PCCA: variants seen among roughly 807,000 people sequenced by gnomAD.
PCCA encodes the protein propionyl-CoA carboxylase alpha chain, mitochondrial.
In PCCA, 74 loss-of-function variants were observed where a neutral mutation model predicts 101.3. The ratio of observed to expected loss-of-function variants is 0.73; its 90% confidence interval spans 0.61 to 0.89. PCCA has a LOEUF of 0.89. Ranked by LOEUF, PCCA falls within the 40% of genes least tolerant of loss-of-function variation. The pLI, the probability that PCCA is intolerant of heterozygous loss-of-function variation, is 0.00. For missense variants in PCCA, 891 were observed against 907.0 expected, an observed-to-expected ratio of 0.98 and a Z score of 0.23; for synonymous variants, 294 against 313.6, an observed-to-expected ratio of 0.94 and a Z score of 0.66.
intron 8 of PCCA, among the ~76,000 whole-genome samples, chr13:100,243,092 C>T (rs2061247258): frequency 6.6e-6 from 1 of 152,188 alleles, no homozygotes; most frequent in Admixed American, 6.5e-5. Context: ...TACAAGGTTT[C>T]ACCATGTTGG....
chr13:100,326,836 T>G lies in PCCA; in HGVS notation c.1430-3725T>G, dbSNP rs117440174. Among the ~76,000 whole-genome samples, 78 of 152,292 alleles carry G rather than the reference T, an allele frequency of 5.1e-4. No homozygotes were observed. In the East Asian group the frequency reaches 0.013, roughly 26 times the overall value. ...GCAAGACTGCAGTATTTAATATATATAATATATAAAACTTGTAATTGACTA... is the reference window on the plus strand; with the variant it reads ...GCAAGACTGCAGTATTTAATATATAGAATATATAAAACTTGTAATTGACTA... On this transcript the variant is annotated intron_variant, in intron 16 of 23. Transcript: ENST00000376285.
chr13:100,445,852 C>G (rs1045246142), intron 20 of PCCA, among the ~76,000 whole-genome samples: 3 of 152,168 alleles, frequency 2.0e-5, no homozygotes, highest in African/African-American at 7.2e-5. Flanking sequence ...TCTTGGCCAT[C>G]ATGAATAGTG....
intron 7 of PCCA, among the ~76,000 whole-genome samples, chr13:100,210,963 CCAGTTCCTCCT>C (rs1954075622): frequency 6.6e-6 from 1 of 152,202 alleles, no homozygotes; most frequent in Non-Finnish European, 1.5e-5. Context: ...CTCTGGAAAG[CCAGTTCCTCCT>C]CCTACGCTCC....
intron 12 of PCCA, among the ~76,000 whole-genome samples, chr13:100,283,978 T>A (rs1424778330): frequency 6.6e-6 from 1 of 152,148 alleles, no homozygotes; most frequent in Non-Finnish European, 1.5e-5. Context: ...ACAACAGGAC[T>A]GAGGGTGCCC....
chr13:100,146,202 A>G (rs1226848145), intron 4 of PCCA, among the ~76,000 whole-genome samples: 1 of 151,426 alleles, frequency 6.6e-6, no homozygotes, highest in Non-Finnish European at 1.5e-5. Flanking sequence ...CCACCTCCCA[A>G]AGTGCTGGGA....
intron 18 of PCCA, among the ~76,000 whole-genome samples, chr13:100,349,783 C>T (rs981290478): frequency 3.9e-5 from 6 of 152,218 alleles, no homozygotes; most frequent in East Asian, 1.9e-4. Flanking sequence ...TCAAGTATCA[C>T]GGCTGGCTAC....
At chr13:100,190,106 G>C (rs6491551) in intron 6 of PCCA, among the ~76,000 whole-genome samples, 106,591 of 152,060 alleles carry the variant, frequency 0.7, 38,349 homozygotes, top group African/African-American at 0.87. Flanking sequence ...TTGAAAATGT[G>C]TCATGACTAA....
At chr13:100,384,528 C>T (rs548993221) in intron 19 of PCCA, among the ~76,000 whole-genome samples, 267 of 152,142 alleles carry the variant, frequency 1.8e-3, no homozygotes, top group African/African-American at 6.0e-3. Flanking sequence ...CTCTTTTATT[C>T]TATGAATAGA....
At chr13:100,146,829 T>C (rs2052629978) in intron 4 of PCCA, among the ~76,000 whole-genome samples, 1 of 141,084 alleles carries the variant, frequency 7.1e-6, no homozygotes, top group Admixed American at 6.7e-5. Flanking sequence ...TTAAATTAAA[T>C]ATTTTTCTTA....
rs151101101 is a variant in PCCA at position 100,285,300 on chromosome 13, T to G, written c.1065+11954T>G. Among the ~76,000 whole-genome samples the G allele has an allele frequency of 2.6e-5, 4 of 152,286 alleles. No individual in the cohort carries two copies. The East Asian group carries it at 7.7e-4, about 29-fold the overall frequency. On this transcript the variant is annotated intron_variant, in intron 12 of 23. Coordinates refer to ENST00000376285, the MANE Select transcript of PCCA (RefSeq NM_000282.4). ...GAGGCAGAAACAGCCTTCAAAACCTTAAAGCAGGCCCTAGTACAAGCTCCA... is the reference window on the plus strand; with the variant it reads ...GAGGCAGAAACAGCCTTCAAAACCTGAAAGCAGGCCCTAGTACAAGCTCCA...
At chr13:100,219,604 G>A in intron 7 of PCCA, among the ~76,000 whole-genome samples, 1 of 152,178 alleles carries the variant, frequency 6.6e-6, no homozygotes. Flanking sequence ...GGGAGAGCTT[G>A]TGGAACAATG....
At chr13:100,374,755 T>C (rs761586375) in intron 19 of PCCA, among the ~76,000 whole-genome samples, 6 of 152,174 alleles carry the variant, frequency 3.9e-5, no homozygotes, top group Admixed American at 2.0e-4. Context: ...TCATGTTTAC[T>C]ACTAATAAAC....
chr13:100,153,913 CAA>C (rs1272698703), intron 4 of PCCA, among the ~76,000 whole-genome samples: 1 of 152,118 alleles, frequency 6.6e-6, no homozygotes, highest in Non-Finnish European at 1.5e-5. Flanking sequence ...ATTGAATTGA[CAA>C]AGAGAATTCT....
At chr13:100,279,222 C>G (rs1469819199) in intron 12 of PCCA, among the ~76,000 whole-genome samples, 1 of 152,194 alleles carries the variant, frequency 6.6e-6, no homozygotes, top group East Asian at 1.9e-4. Context: ...TAACATCATA[C>G]TTTGAGACAT....
chr13:100,468,347 G>GT (rs1437003005), intron 21 of PCCA, among the ~76,000 whole-genome samples: 3 of 152,182 alleles, frequency 2.0e-5, no homozygotes, highest in African/African-American at 7.2e-5. Flanking sequence ...TAGCAAGAGA[G>GT]TTGGCCTGTC....
chr13:100,178,675 C>T (rs2056462322), intron 6 of PCCA, among the ~76,000 whole-genome samples: 1 of 152,112 alleles, frequency 6.6e-6, no homozygotes, highest in African/African-American at 2.4e-5. Context: ...GACGGAGATA[C>T]AGAATTACTG....
chr13:100,324,730 G>T (rs2152723083), intron 16 of PCCA, among the ~76,000 whole-genome samples: 1 of 152,254 alleles, frequency 6.6e-6, no homozygotes, highest in South Asian at 2.1e-4. Flanking sequence ...CTACTGTATA[G>T]TTTCATAGCC....
intron 12 of PCCA, among the ~76,000 whole-genome samples, chr13:100,300,060 TTGG>T (rs2065938124): frequency 6.6e-6 from 1 of 152,234 alleles, no homozygotes; most frequent in Admixed American, 6.5e-5. Flanking sequence ...TCACATGAGA[TTGG>T]TTTCTAGTAA....
intron 19 of PCCA, among the ~76,000 whole-genome samples, chr13:100,422,047 T>G (rs2152887765): frequency 1.3e-5 from 1 of 75,810 alleles, no homozygotes; most frequent in East Asian, 3.8e-4. Flanking sequence ...CTTTTCTTTC[T>G]TTTCCTTTTC....
Sources: gnomAD v4.1 joint callset for allele counts (sites outside exome capture counted in the v4.1 genomes callset) on GRCh38, gnomAD v4.1.1 for gene constraint, MANE v1.5 for transcripts, NCBI Gene and HGNC (gene_info 2026-07-23, HGNC 2026-07-21) for gene names.